CADM2: variants seen among roughly 807,000 people sequenced by gnomAD.
CADM2 encodes cell adhesion molecule 2.
Under a neutral mutation model 49.8 loss-of-function variants are expected in CADM2, and 12 were observed. The ratio of observed to expected loss-of-function variants is 0.24; its 90% CI spans 0.15 to 0.39. The LOEUF is 0.39. Ranked by LOEUF, CADM2 falls within the 10% of genes least tolerant of loss-of-function variation. CADM2 has a pLI of 1.00. For missense variants in CADM2, 378 were observed against 492.3 expected (o/e 0.77, Z 2.20); for synonymous variants, 214 against 175.4 (o/e 1.22, Z -1.74).
At chr3:84,961,568 G>T (rs991478199) in intron 1 of CADM2, among the ~76,000 whole-genome samples, 1 of 152,104 alleles carries the variant, frequency 6.6e-6, no homozygotes, top group South Asian at 2.1e-4. Flanking sequence ...ATCTCACAGA[G>T]ACCCTACTTC....
Position 86,073,787 on chromosome 3 carries a change from C to T in CADM2, c.*7004C>T, listed in dbSNP as rs1327778745. 2 of 151,892 alleles carry T rather than the reference C, an allele frequency of 1.3e-5. No individual in the cohort carries two copies. Among genetic ancestry groups the T allele is most frequent in the Non-Finnish European group, 2.9e-5 (2 of 67,874 alleles). 9.4% of individuals were successfully genotyped at this position (151,892 alleles called of 1,614,324 possible). ...AAAACATACTTCTTTATGCCAAACA[C>T]ATTATTTTGAATACCTTTTTTTCAA... On this transcript the variant is annotated 3_prime_UTR_variant, in exon 10 of 10. Transcript: ENST00000383699.
chr3:85,414,803 C>T (rs2035841985), intron 1 of CADM2, among the ~76,000 whole-genome samples: 2 of 152,214 alleles, frequency 1.3e-5, no homozygotes, highest in African/African-American at 2.4e-5. Flanking sequence ...TCTGAAACTT[C>T]CCTCTTTCTG....
intron 1 of CADM2, among the ~76,000 whole-genome samples, chr3:85,018,453 C>A (rs1405192526): frequency 1.3e-5 from 2 of 152,130 alleles, no homozygotes; most frequent in East Asian, 3.9e-4. Flanking sequence ...TCTTGGCTCA[C>A]CGCAACCTCT....
At chr3:85,693,429 A>C (rs953152207) in intron 1 of CADM2, among the ~76,000 whole-genome samples, 3 of 149,712 alleles carry the variant, frequency 2.0e-5, no homozygotes, top group Non-Finnish European at 4.4e-5. Flanking sequence ...AAATACAAAA[A>C]ATTAGCCGGG....
intron 8 of CADM2, among the ~76,000 whole-genome samples, chr3:86,040,454 G>T (rs1032531825): frequency 1.6e-4 from 24 of 152,172 alleles, no homozygotes; most frequent in Non-Finnish European, 3.4e-4. Flanking sequence ...CTCAGTAGCT[G>T]ATTCGATCAA....
intron 5 of CADM2, among the ~76,000 whole-genome samples, chr3:85,911,152 AT>A (rs1717532742): frequency 6.6e-6 from 1 of 152,160 alleles, no homozygotes. Context: ...ATGTAAAAAA[AT>A]GACAGAAAGC....
At chr3:85,430,899 C>G (rs1279409889) in intron 1 of CADM2, among the ~76,000 whole-genome samples, 1 of 152,042 alleles carries the variant, frequency 6.6e-6, no homozygotes, top group Non-Finnish European at 1.5e-5. Flanking sequence ...AAGGTACTAA[C>G]TAAGACTAGG....
intron 1 of CADM2, among the ~76,000 whole-genome samples, chr3:85,032,752 A>AT (rs1317525714): frequency 1.3e-5 from 2 of 152,016 alleles, no homozygotes; most frequent in Non-Finnish European, 2.9e-5. Flanking sequence ...AAATGACTTC[A>AT]TTTTTCACAT....
intron 3 of CADM2, among the ~76,000 whole-genome samples, chr3:85,843,664 A>T (rs2074741790): frequency 6.6e-6 from 1 of 152,168 alleles, no homozygotes; most frequent in Admixed American, 6.6e-5. Context: ...AGAAATAAAA[A>T]TGTTAATTAA....
At chr3:85,986,428 A>T (rs1309626914) in intron 8 of CADM2, among the ~76,000 whole-genome samples, 1 of 146,674 alleles carries the variant, frequency 6.8e-6, no homozygotes, top group Non-Finnish European at 1.5e-5. Context: ...TGTTTATGAG[A>T]TTCTATTATG....
At chr3:85,845,792 A>G (rs2074854590) in intron 3 of CADM2, among the ~76,000 whole-genome samples, 1 of 152,184 alleles carries the variant, frequency 6.6e-6, no homozygotes, top group African/African-American at 2.4e-5. Flanking sequence ...GAGATGATAA[A>G]ACAAATCTTA....
intron 8 of CADM2, among the ~76,000 whole-genome samples, chr3:86,008,476 G>A (rs1731069652): frequency 6.6e-6 from 1 of 152,022 alleles, no homozygotes. Flanking sequence ...AACATTTTAT[G>A]TGCATTTTAT....
intron 1 of CADM2, among the ~76,000 whole-genome samples, chr3:85,552,383 T>TTTTTG (rs2061832203): frequency 1.4e-5 from 2 of 143,408 alleles, no homozygotes; most frequent in African/African-American, 5.3e-5. Context: ...TTTTTTTTTT[T>TTTTTG]TTTTTTTTTT....
At chr3:85,267,037 G>A (rs1258319529) in intron 1 of CADM2, among the ~76,000 whole-genome samples, 1 of 151,842 alleles carries the variant, frequency 6.6e-6, no homozygotes, top group Non-Finnish European at 1.5e-5. Context: ...AACATATTTA[G>A]AGAAAGGTAT....
At chr3:85,717,788 A>G (rs1367843212) in intron 1 of CADM2, among the ~76,000 whole-genome samples, 1 of 151,958 alleles carries the variant, frequency 6.6e-6, no homozygotes, top group African/African-American at 2.4e-5. Flanking sequence ...TTTTTTGGAG[A>G]CAGAGTTGTA....
chr3:84,998,334 C>T (rs1404853887), intron 1 of CADM2, among the ~76,000 whole-genome samples: 2 of 152,022 alleles, frequency 1.3e-5, no homozygotes, highest in Non-Finnish European at 2.9e-5. Flanking sequence ...AAAAGGTTTT[C>T]CTGCCAGTTT....
intron 1 of CADM2, among the ~76,000 whole-genome samples, chr3:85,318,171 GA>G (rs200046309): frequency 4.7e-4 from 56 of 118,116 alleles, no homozygotes; most frequent in East Asian, 1.7e-3. Context: ...CCCTGTCTCA[GA>G]AAAAAAAAAA....
intron 1 of CADM2, among the ~76,000 whole-genome samples, chr3:85,299,652 T>A (rs1393448073): frequency 1.3e-5 from 2 of 152,056 alleles, no homozygotes; most frequent in African/African-American, 4.8e-5. Context: ...CCATATTACT[T>A]CAGAGGTTGG....
rs537931218 is a variant in CADM2 at position 85,262,535 on chromosome 3, T to C, written c.61+302867T>C. On this transcript the variant is annotated intron_variant, in intron 1 of 9. Coordinates refer to ENST00000383699, the MANE Select transcript of CADM2 (RefSeq NM_001167675.2). ...AGCCATGATAAATGATATATTTTAT[T>C]TGAATAGTTTTAGAGTACACAAAGT... is the stretch of plus-strand genomic sequence containing the variant. 1.8e-3 allele frequency among the ~76,000 whole-genome samples: 275 copies of C among 152,280 alleles called. 1 individual carries two copies. The highest frequency in any genetic ancestry group is 6.3e-3 in the African/African-American group (263 of 41,574).
Sources: allele counts gnomAD v4.1 joint callset (sites outside exome capture counted in the v4.1 genomes callset), GRCh38; gene constraint gnomAD v4.1.1; transcripts MANE v1.5; gene names NCBI Gene and HGNC (gene_info 2026-07-23, HGNC 2026-07-21).